FRMD4B: variants seen among roughly 807,000 people sequenced by gnomAD.
The protein encoded by FRMD4B is FERM domain containing 4B.
FRMD4B carries 74 observed loss-of-function variants against 141.5 expected under a neutral mutation model. That is an observed-to-expected ratio of 0.52 (90% CI 0.43 to 0.63). The LOEUF is 0.63. Among genes scored for constraint, FRMD4B ranks in the 30% least tolerant of loss-of-function variants. The probability of loss-of-function intolerance (pLI) is 0.00; values close to 1 mark genes in which losing one functional copy is unlikely to be tolerated. For missense variants in FRMD4B, 1,366 were observed against 1,253.4 expected, an observed-to-expected ratio of 1.09 and a Z score of -1.36; for synonymous variants, 506 against 467.9, an observed-to-expected ratio of 1.08 and a Z score of -1.05.
At chr3:69,284,539 A>G (rs2093658463) in intron 5 of FRMD4B, among the ~76,000 whole-genome samples, 1 of 152,226 alleles carries the variant, frequency 6.6e-6, no homozygotes. Context: ...AAGACCTGAA[A>G]AAAACCAAAC....
intron 1 of FRMD4B, among the ~76,000 whole-genome samples, chr3:69,464,797 C>G (rs111394335): frequency 6.6e-6 from 1 of 152,164 alleles, no homozygotes; most frequent in East Asian, 1.9e-4. Flanking sequence ...ACAACTATCT[C>G]GATCCAACTA....
chr3:69,340,369 T>C lies in FRMD4B; in HGVS notation c.163-26852A>G, dbSNP rs141658415. Among the ~76,000 whole-genome samples the C allele has an allele frequency of 2.0e-3, 300 of 152,308 alleles. 2 individuals carry two copies. Among genetic ancestry groups the C allele is most frequent in the African/African-American group, 6.7e-3 (280 of 41,572 alleles). On this transcript the variant is annotated intron_variant, in intron 1 of 22. Coordinates refer to ENST00000398540, the MANE Select transcript of FRMD4B (RefSeq NM_015123.3). ...TCTGTTGTTCCTCTCTTTGTGTCCA[T>C]GTGTTCTCATTATTTAGCTCCCACT... is the stretch of plus-strand genomic sequence containing the variant.
chr3:69,177,379 G>A (rs1334911721), intron 21 of FRMD4B, among the ~76,000 whole-genome samples: 1 of 152,072 alleles, frequency 6.6e-6, no homozygotes, highest in Non-Finnish European at 1.5e-5. Flanking sequence ...GGTCAGCTCA[G>A]TGGCACAAGC....
intron 1 of FRMD4B, among the ~76,000 whole-genome samples, chr3:69,321,835 C>T (rs932055522): frequency 4.6e-5 from 7 of 152,154 alleles, no homozygotes; most frequent in Non-Finnish European, 1.0e-4. Flanking sequence ...CCACGTCAGC[C>T]TCCCGAATAG....
At chr3:69,540,400 G>A (rs6549233) in intron 1 of FRMD4B, among the ~76,000 whole-genome samples, 27,754 of 150,910 alleles carry the variant, frequency 0.18, 2,749 homozygotes, top group African/African-American at 0.24. Flanking sequence ...GGATCACAAG[G>A]CCAGGAGATG....
chr3:69,441,581 T>TC lies in FRMD4B; in HGVS notation c.-128-8821dup, dbSNP rs756397625. 1.2e-3 allele frequency among the ~76,000 whole-genome samples: 179 copies of TC among 152,284 alleles called. 1 individual carries two copies. Among genetic ancestry groups the TC allele is most frequent in the Non-Finnish European group, 2.3e-3 (157 of 68,026 alleles). ...TTTGAACTCTTTATTGGTGTATTATTCCCCACGATATACTATAAGCTCCAC... is the reference window on the plus strand; with the variant it reads ...TTTGAACTCTTTATTGGTGTATTATTCCCCCACGATATACTATAAGCTCCAC... On this transcript the variant is annotated intron_variant, in intron 1 of 5. Coordinates refer to the FRMD4B transcript ENST00000459638.
At chr3:69,463,307 G>A (rs1009252965) in intron 1 of FRMD4B, among the ~76,000 whole-genome samples, 2 of 152,168 alleles carry the variant, frequency 1.3e-5, no homozygotes, top group African/African-American at 4.8e-5. Context: ...AGTTTTGCCT[G>A]GGGGATCTGT....
chr3:69,425,616 G>A (rs756371233), intron 2 of FRMD4B, among the ~76,000 whole-genome samples: 2 of 152,036 alleles, frequency 1.3e-5, no homozygotes, highest in African/African-American at 2.4e-5. Context: ...AACATAAAAG[G>A]GCTTTAAAAG....
At chr3:69,246,178 G>C (rs1351460891) in intron 7 of FRMD4B, among the ~76,000 whole-genome samples, 1 of 152,184 alleles carries the variant, frequency 6.6e-6, no homozygotes, top group Non-Finnish European at 1.5e-5. Flanking sequence ...TAACAAGGCA[G>C]GGTGCGATGG....
intron 20 of FRMD4B, 37 bp downstream of exon 20, chr3:69,182,561 C>A: frequency 1.3e-6 from 2 of 1,559,402 alleles, no homozygotes; most frequent in South Asian, 2.4e-5. Flanking sequence ...AAGCAAAAAT[C>A]AAGACAGCTA....
intron 1 of FRMD4B, among the ~76,000 whole-genome samples, chr3:69,503,023 A>C (rs1446565942): frequency 6.6e-6 from 1 of 152,224 alleles, no homozygotes; most frequent in African/African-American, 2.4e-5. Flanking sequence ...ATCATTAAAA[A>C]GTCAGGAAAC....
intron 1 of FRMD4B, among the ~76,000 whole-genome samples, chr3:69,461,690 A>C (rs1318222541): frequency 1.3e-5 from 2 of 151,090 alleles, no homozygotes; most frequent in African/African-American, 4.9e-5. Context: ...TGAAATTATG[A>C]AACAGTTAAG....
At chr3:69,278,991 T>C (rs2093631570) in intron 5 of FRMD4B, among the ~76,000 whole-genome samples, 1 of 152,200 alleles carries the variant, frequency 6.6e-6, no homozygotes, top group Non-Finnish European at 1.5e-5. Flanking sequence ...TTTAGAAATA[T>C]TATGTCTTAC....
chr3:69,283,305 G>T (rs1575690011), intron 5 of FRMD4B, among the ~76,000 whole-genome samples: 1 of 151,920 alleles, frequency 6.6e-6, no homozygotes, highest in East Asian at 2.0e-4. Flanking sequence ...AATCGCTTGA[G>T]CCCAGGAGGC....
intron 4 of FRMD4B, among the ~76,000 whole-genome samples, chr3:69,293,385 C>T (rs891936339): frequency 2.0e-4 from 29 of 143,240 alleles, no homozygotes; most frequent in African/African-American, 6.7e-4. Flanking sequence ...GCTCTCAGTG[C>T]CTCTTACCTC....
intron 1 of FRMD4B, among the ~76,000 whole-genome samples, chr3:69,537,616 A>T (rs1014126716): frequency 1.3e-5 from 2 of 152,206 alleles, no homozygotes; most frequent in African/African-American, 4.8e-5. Context: ...TCTCAGTGTC[A>T]TTGGAAAATA....
At chr3:69,321,203 G>A (rs1701982471) in intron 1 of FRMD4B, among the ~76,000 whole-genome samples, 1 of 152,108 alleles carries the variant, frequency 6.6e-6, no homozygotes, top group Non-Finnish European at 1.5e-5. Flanking sequence ...AGACAGGGCA[G>A]TATGGAACCA....
At chr3:69,227,340 A>T (rs1167968737) in intron 7 of FRMD4B, among the ~76,000 whole-genome samples, 1 of 152,162 alleles carries the variant, frequency 6.6e-6, no homozygotes, top group Non-Finnish European at 1.5e-5. Context: ...GATTAGGATC[A>T]TTTTAAGGAG....
intron 1 of FRMD4B, among the ~76,000 whole-genome samples, chr3:69,481,328 G>C (rs1158931787): frequency 7.2e-5 from 11 of 152,082 alleles, no homozygotes. Context: ...CTGTAGACCG[G>C]AGCTGTTCCT....
Sources: gnomAD v4.1 joint callset for allele counts (sites outside exome capture counted in the v4.1 genomes callset) on GRCh38, gnomAD v4.1.1 for gene constraint, MANE v1.5 for transcripts, NCBI Gene and HGNC (gene_info 2026-07-23, HGNC 2026-07-21) for gene names.